Variants in ATL3 observed in about 807,000 individuals in gnomAD.
ATL3 encodes atlastin GTPase 3.
Under a neutral mutation model 69.5 loss-of-function variants are expected in ATL3, and 49 were observed. The observed-to-expected ratio is 0.71, with a 90% confidence interval of 0.56 to 0.89. The LOEUF (loss-of-function observed/expected upper bound fraction) is 0.89, where lower values mean the gene tolerates loss of function less well. ATL3 is among the 40% of genes least tolerant of loss of function. The pLI is 0.00. For missense variants in ATL3, 606 were observed against 645.7 expected (o/e 0.94, Z 0.67); for synonymous variants, 214 against 224.1 (o/e 0.95, Z 0.40).
In ATL3 at chr11:63,631,100, A is replaced by G; in HGVS notation, c.1479T>C (p.Ser493=). 1 of 1,614,208 alleles carries G rather than the reference A, an allele frequency of 6.2e-7. No individual in the cohort carries two copies. Among genetic ancestry groups the G allele is most frequent in the Non-Finnish European group, 8.5e-7 (1 of 1,180,034 alleles). The change falls in exon 12 of 13, where the codon TCT becomes TCC. Residue 493 remains serine (S), a synonymous_variant. Transcript: ENST00000398868. ...CTCCGCCCAGCTCACGATATTGACC[A>G]GAATACCTGATGTAGCCCCAGGTGA... The part of the protein sequence containing the change: ...ALLTWGYIRY[S]GQYRELGGAI...
intron 7 of ATL3, 55 bp downstream of exon 7, chr11:63,644,114 G>A: frequency 2.5e-6 from 3 of 1,208,746 alleles, no homozygotes; most frequent in Non-Finnish European, 3.6e-6. Flanking sequence ...AAAAGCAAAT[G>A]AGAAAGCTAT....
intron 9 of ATL3, 142 bp downstream of exon 9, chr11:63,636,065 G>A (rs1044600800): frequency 2.0e-6 from 2 of 1,016,330 alleles, no homozygotes; most frequent in East Asian, 5.1e-5. Flanking sequence ...CTCCTGGAAG[G>A]ACACCAAGGT....
chr11:63,671,208 G>A, intron 1 of ATL3, 82 bp downstream of exon 1: 1 of 1,464,958 alleles, frequency 6.8e-7, no homozygotes, highest in Non-Finnish European at 9.0e-7. Context: ...GCGGCGGCGC[G>A]GGCGGGGGTT....
intron 1 of ATL3, among the ~76,000 whole-genome samples, chr11:63,668,694 G>C (rs1940664841): frequency 6.6e-6 from 1 of 150,970 alleles, no homozygotes; most frequent in Admixed American, 6.6e-5. Context: ...CACAAGTGGA[G>C]GAAAAAAACC....
chr11:63,632,417 G>A, intron 11 of ATL3: 3 of 838,910 alleles, frequency 3.6e-6, no homozygotes, highest in Non-Finnish European at 6.4e-6. Context: ...ATCCAAAGAG[G>A]TGACATTGTG....
chr11:63,632,232 G>A, intron 11 of ATL3: 1 of 693,494 alleles, frequency 1.4e-6, no homozygotes, highest in Non-Finnish European at 2.7e-6. Flanking sequence ...ATGCTTCGTG[G>A]TGCTCTGGGG....
intron 11 of ATL3, chr11:63,632,402 ATAGTATCCAAAGAGGTGACATTGTGAT>A: frequency 1.2e-6 from 1 of 854,878 alleles, no homozygotes; most frequent in Non-Finnish European, 2.1e-6. Context: ...CGACATTTTG[ATAGTATCCAAAGAGGTGACATTGTGAT>A]TGCAAAAAGC....
At chr11:63,631,505 T>C in intron 11 of ATL3, 34 bp from the exon 12 acceptor site, 1 of 1,534,548 alleles carries the variant, frequency 6.5e-7, no homozygotes, top group Non-Finnish European at 8.8e-7. Context: ...TGTTAAAAGA[T>C]CTCTTCAAAA....
intron 1 of ATL3, among the ~76,000 whole-genome samples, chr11:63,664,704 C>T (rs928035962): frequency 1.3e-5 from 2 of 150,076 alleles, no homozygotes; most frequent in Admixed American, 6.6e-5. Flanking sequence ...CTCAGCGCAA[C>T]CTCCGCCTCC....
chr11:63,651,490 C>G (rs1036248327), intron 5 of ATL3, among the ~76,000 whole-genome samples: 15 of 152,108 alleles, frequency 9.9e-5, no homozygotes, highest in Admixed American at 9.2e-4. Context: ...GCTGACGACC[C>G]TCCCATGGCT....
intron 3 of ATL3, among the ~76,000 whole-genome samples, chr11:63,655,728 G>A (rs1266423483): frequency 2.0e-5 from 3 of 151,946 alleles, no homozygotes; most frequent in Non-Finnish European, 4.4e-5. Context: ...TTACAGACGT[G>A]CGCCACCGCG....
intron 3 of ATL3, among the ~76,000 whole-genome samples, chr11:63,653,052 C>A (rs1209657730): frequency 6.6e-6 from 1 of 152,016 alleles, no homozygotes; most frequent in African/African-American, 2.4e-5. Context: ...TTAGGTCAGG[C>A]GCAATGGCTC....
chr11:63,671,828 G>T, upstream of ATL3: 1 of 941,258 alleles, frequency 1.1e-6, no homozygotes, highest in Non-Finnish European at 1.4e-6. Context: ...TGCGAGCTGC[G>T]GCCGGCGCCT....
chr11:63,632,972 A>C (rs1037410729), intron 11 of ATL3, 54 bp downstream of exon 11: 15 of 1,545,534 alleles, frequency 9.7e-6, no homozygotes, highest in African/African-American at 2.7e-5. Context: ...TTTTGAAGTC[A>C]GCAACAATGC....
intron 1 of ATL3, among the ~76,000 whole-genome samples, chr11:63,660,809 T>C (rs1940396275): frequency 6.6e-6 from 1 of 152,074 alleles, no homozygotes; most frequent in East Asian, 1.9e-4. Flanking sequence ...TGTCTATCAA[T>C]AATAGTGTTT....
intron 1 of ATL3, among the ~76,000 whole-genome samples, chr11:63,668,789 C>CT (rs1940670182): frequency 2.9e-5 from 3 of 103,244 alleles, no homozygotes; most frequent in South Asian, 3.4e-4. Flanking sequence ...TAGCTGTGTT[C>CT]CTTTTTTTTT....
chr11:63,656,913 T>A (rs1250300041), intron 3 of ATL3, among the ~76,000 whole-genome samples: 2 of 151,874 alleles, frequency 1.3e-5, no homozygotes, highest in Non-Finnish European at 2.9e-5. Flanking sequence ...ACTCCAGCAC[T>A]TCAAAATATC....
intron 3 of ATL3, among the ~76,000 whole-genome samples, chr11:63,658,040 T>C (rs1940311970): frequency 6.6e-6 from 1 of 152,066 alleles, no homozygotes; most frequent in Admixed American, 6.6e-5. Context: ...GTATTTTTAG[T>C]AGAGACAGGG....
chr11:63,641,241 A>G (rs1159912691), intron 8 of ATL3, among the ~76,000 whole-genome samples: 1 of 152,210 alleles, frequency 6.6e-6, no homozygotes, highest in Non-Finnish European at 1.5e-5. Context: ...TTGCTCATAC[A>G]GAATTTGTTC....
Sources: gnomAD v4.1 joint callset for allele counts (sites outside exome capture counted in the v4.1 genomes callset) on GRCh38, gnomAD v4.1.1 for gene constraint, MANE v1.5 for transcripts, NCBI Gene and HGNC (gene_info 2026-07-23, HGNC 2026-07-21) for gene names.